Variants in ARMH3 observed in about 807,000 individuals in gnomAD.
ARMH3 encodes armadillo like helical domain containing 3.
Under a neutral mutation model 99.1 loss-of-function variants are expected in ARMH3, and 60 were observed. The observed-to-expected ratio is 0.61, with a 90% CI of 0.49 to 0.75. The LOEUF (loss-of-function observed/expected upper bound fraction) is 0.75, where lower values mean the gene tolerates loss of function less well. ARMH3 is among the 30% of genes least tolerant of loss of function. The pLI, the probability that ARMH3 is intolerant of heterozygous loss-of-function variation, is 0.00. For synonymous variants in ARMH3, 285 were observed against 292.8 expected (o/e 0.97, Z 0.27); for missense variants, 679 against 843.1 (o/e 0.81, Z 2.41).
Position 101,847,229 on chromosome 10 carries a change from C to CT in ARMH3, c.*298dup, listed in dbSNP as rs1203458632. ...CCCGAAAATTAGTCAGTAGCTACAGCTTGTAACCTCAAGATTGGAAATGTG... is the reference window on the plus strand; with the variant it reads ...CCCGAAAATTAGTCAGTAGCTACAGCTTTGTAACCTCAAGATTGGAAATGTG... On this transcript the variant is annotated 3_prime_UTR_variant, in exon 26 of 26. Coordinates refer to ENST00000370033, the MANE Select transcript of ARMH3 (RefSeq NM_024541.3). 1 of 328,802 alleles carries CT rather than the reference C, an allele frequency of 3.0e-6. No individual in the cohort carries two copies. Among genetic ancestry groups the CT allele is most frequent in the African/African-American group, 2.1e-5 (1 of 47,306 alleles). The allele number at this position is 328,802 out of a possible 1,614,324, so 20.4% of individuals were successfully genotyped here. A position where few individuals can be genotyped will look rare whatever the true frequency, so the allele number is the denominator to read the frequency against.
chr10:101,973,826 A>C (rs1845877932), intron 20 of ARMH3, among the ~76,000 whole-genome samples: 1 of 152,210 alleles, frequency 6.6e-6, no homozygotes, highest in Admixed American at 6.5e-5. Flanking sequence ...AATTTCATTC[A>C]AGTTATAGAC....
chr10:101,943,664 A>G (rs1844341246), intron 22 of ARMH3, among the ~76,000 whole-genome samples: 1 of 152,188 alleles, frequency 6.6e-6, no homozygotes, highest in Non-Finnish European at 1.5e-5. Context: ...CATATGAACC[A>G]TAAGAAACAA....
intron 8 of ARMH3, among the ~76,000 whole-genome samples, chr10:102,022,657 T>C (rs1024919771): frequency 6.7e-6 from 1 of 148,464 alleles, no homozygotes; most frequent in African/African-American, 2.4e-5. Flanking sequence ...CTGGGCTCAC[T>C]ACAAACTCCG....
chr10:102,053,214 T>TAAAAAAAA (rs1191838493), intron 1 of ARMH3, among the ~76,000 whole-genome samples: 4 of 48,994 alleles, frequency 8.2e-5, no homozygotes, highest in Non-Finnish European at 1.2e-4. Context: ...CCTCAGAAGC[T>TAAAAAAAA]AAAAAAAAAA....
At chr10:101,931,369 A>G (rs1013271754) in intron 23 of ARMH3, among the ~76,000 whole-genome samples, 4 of 152,116 alleles carry the variant, frequency 2.6e-5, no homozygotes, top group African/African-American at 9.7e-5. Context: ...CTAAAAATAC[A>G]AAAAAATTAG....
chr10:101,867,563 T>C (rs1036188713), intron 24 of ARMH3, among the ~76,000 whole-genome samples: 1 of 152,182 alleles, frequency 6.6e-6, no homozygotes, highest in Admixed American at 6.6e-5. Context: ...CGAGGTGCAG[T>C]GGCTCACACC....
chr10:102,050,215 G>A (rs1238156684), intron 1 of ARMH3, among the ~76,000 whole-genome samples: 1 of 151,822 alleles, frequency 6.6e-6, no homozygotes, highest in Admixed American at 6.6e-5. Flanking sequence ...GGCCGAGGAG[G>A]GCAGATCACA....
chr10:101,985,710 C>T (rs1351441001), intron 19 of ARMH3, among the ~76,000 whole-genome samples: 1 of 151,666 alleles, frequency 6.6e-6, no homozygotes, highest in South Asian at 2.1e-4. Flanking sequence ...CAAGACCCTG[C>T]CTCTAAAAAA....
intron 23 of ARMH3, among the ~76,000 whole-genome samples, chr10:101,925,809 G>A (rs546570664): frequency 6.6e-6 from 1 of 152,158 alleles, no homozygotes; most frequent in Non-Finnish European, 1.5e-5. Flanking sequence ...ACCCAGGGAG[G>A]CTGAGGCAGG....
chr10:101,893,213 G>C (rs2067734829), intron 23 of ARMH3, among the ~76,000 whole-genome samples: 1 of 152,188 alleles, frequency 6.6e-6, no homozygotes, highest in Non-Finnish European at 1.5e-5. Context: ...AGGGTTTAGT[G>C]TCCAGGACCA....
At chr10:101,975,187 A>G (rs1454155506) in intron 20 of ARMH3, 25 bp downstream of exon 20, 3 of 1,597,058 alleles carry the variant, frequency 1.9e-6, no homozygotes, top group Non-Finnish European at 2.6e-6. Context: ...AGAAAAAGGA[A>G]GATGAATTCA....
chr10:102,009,316 A>G, intron 13 of ARMH3, 58 bp downstream of exon 13: 1 of 1,474,962 alleles, frequency 6.8e-7, no homozygotes, highest in Non-Finnish European at 9.5e-7. Context: ...TTTTCAATGG[A>G]ATTAATCGGT....
intron 19 of ARMH3, among the ~76,000 whole-genome samples, chr10:101,988,060 T>C (rs144874859): frequency 6.6e-6 from 1 of 152,234 alleles, no homozygotes; most frequent in Non-Finnish European, 1.5e-5. Flanking sequence ...AAGTTTCTCC[T>C]GGATTCCTGA....
intron 8 of ARMH3, among the ~76,000 whole-genome samples, chr10:102,022,491 TAAAAA>T (rs745889967): frequency 1.1e-4 from 9 of 85,362 alleles, no homozygotes; most frequent in African/African-American, 4.1e-4. Flanking sequence ...GACTCTGACT[TAAAAA>T]AAAAAAAAAA....
At chr10:102,035,173 G>GA (rs1464368229) in intron 2 of ARMH3, among the ~76,000 whole-genome samples, 1 of 152,076 alleles carries the variant, frequency 6.6e-6, no homozygotes, top group Admixed American at 6.6e-5. Flanking sequence ...TCAGGAGATG[G>GA]AGGCCATCCT....
chr10:101,962,513 C>A (rs997184853), intron 20 of ARMH3, among the ~76,000 whole-genome samples: 2 of 151,988 alleles, frequency 1.3e-5, no homozygotes, highest in Non-Finnish European at 2.9e-5. Context: ...ATACCATGGT[C>A]ATAAATGGCA....
At chr10:102,032,885 G>T in intron 4 of ARMH3, 141 bp downstream of exon 4, 2 of 870,658 alleles carry the variant, frequency 2.3e-6, no homozygotes. Context: ...AAACAAACGT[G>T]GCATAAATAT....
intron 23 of ARMH3, among the ~76,000 whole-genome samples, chr10:101,922,842 C>T (rs1564754981): frequency 6.6e-6 from 1 of 152,048 alleles, no homozygotes; most frequent in Admixed American, 6.6e-5. Flanking sequence ...AAGATGAATG[C>T]ATGTGAGGGG....
intron 1 of ARMH3, among the ~76,000 whole-genome samples, chr10:102,041,075 CATATATATATATATAAT>C (rs138965011): frequency 4.5e-5 from 6 of 132,008 alleles, no homozygotes; most frequent in East Asian, 2.0e-4. Context: ...ATTGTGTGTA[CATATATATATATATAAT>C]ATATATATAT....
Sources: allele counts gnomAD v4.1 joint callset (sites outside exome capture counted in the v4.1 genomes callset), GRCh38; gene constraint gnomAD v4.1.1; transcripts MANE v1.5; gene names NCBI Gene and HGNC (gene_info 2026-07-23, HGNC 2026-07-21).